The following TRPS1 variants were observed in gnomAD, a reference collection of about 807,000 sequenced individuals.
TRPS1 encodes the protein transcriptional repressor GATA binding 1.
A neutral mutation model predicts 101.2 loss-of-function variants in TRPS1; 6 were observed. The ratio of observed to expected loss-of-function variants is 0.06; its 90% CI spans 0.03 to 0.12. The LOEUF (loss-of-function observed/expected upper bound fraction) is 0.12, where lower values mean the gene tolerates loss of function less well. Among genes scored for constraint, TRPS1 ranks in the 10% least tolerant of loss-of-function variants. TRPS1 has a pLI of 1.00. For missense variants in TRPS1, 1,363 were observed against 1,567.0 expected (o/e 0.87, Z 2.20); for synonymous variants, 578 against 589.8 (o/e 0.98, Z 0.29).
intron 5 of TRPS1, among the ~76,000 whole-genome samples, chr8:115,459,193 C>G (rs186848427): frequency 6.6e-6 from 1 of 152,076 alleles, no homozygotes; most frequent in Non-Finnish European, 1.5e-5. Flanking sequence ...AAAAAATTAG[C>G]TTGGCATGGA....
At chr8:115,613,737 C>G (rs970877616) in intron 3 of TRPS1, among the ~76,000 whole-genome samples, 4 of 152,074 alleles carry the variant, frequency 2.6e-5, no homozygotes, top group Non-Finnish European at 5.9e-5. Context: ...AAAAACTGAG[C>G]TCCACATACA....
chr8:115,488,078 G>C (rs1217546965), intron 5 of TRPS1, among the ~76,000 whole-genome samples: 1 of 152,102 alleles, frequency 6.6e-6, no homozygotes, highest in Non-Finnish European at 1.5e-5. Flanking sequence ...ACCTTCAGCA[G>C]ACACCACCCT....
chr8:115,612,515 G>T (rs528715287), intron 3 of TRPS1, among the ~76,000 whole-genome samples: 1 of 152,188 alleles, frequency 6.6e-6, no homozygotes, highest in African/African-American at 2.4e-5. Context: ...AAGAAAGGAG[G>T]CAAAAAGAAA....
chr8:115,424,805 A>G (rs1351602357), intron 5 of TRPS1, among the ~76,000 whole-genome samples: 3 of 152,242 alleles, frequency 2.0e-5, no homozygotes, highest in Non-Finnish European at 2.9e-5. Flanking sequence ...TTAATTACCA[A>G]TAGAGTTGAC....
At chr8:115,664,927 A>G (rs1411118379) in intron 1 of TRPS1, among the ~76,000 whole-genome samples, 2 of 152,176 alleles carry the variant, frequency 1.3e-5, no homozygotes, top group Non-Finnish European at 2.9e-5. Context: ...CTTAATAAGA[A>G]TATGTTTTAA....
intron 5 of TRPS1, among the ~76,000 whole-genome samples, chr8:115,573,719 A>T (rs550547325): frequency 2.6e-5 from 4 of 152,288 alleles, no homozygotes; most frequent in African/African-American, 9.6e-5. Flanking sequence ...TTTTTCAAAT[A>T]AACATTTTAG....
intron 5 of TRPS1, among the ~76,000 whole-genome samples, chr8:115,513,311 G>A (rs1204875403): frequency 6.6e-6 from 1 of 151,558 alleles, no homozygotes; most frequent in East Asian, 1.9e-4. Context: ...ATATTCCCAA[G>A]GACTTATATT....
chr8:115,544,033 A>C (rs1816515023), intron 5 of TRPS1, among the ~76,000 whole-genome samples: 1 of 152,030 alleles, frequency 6.6e-6, no homozygotes, highest in Non-Finnish European at 1.5e-5. Context: ...ATGTATTTAG[A>C]CATAAAATAA....
intron 1 of TRPS1, among the ~76,000 whole-genome samples, chr8:115,639,113 G>C (rs1818836897): frequency 6.6e-6 from 1 of 152,140 alleles, no homozygotes; most frequent in Non-Finnish European, 1.5e-5. Context: ...GTCCCAGCTA[G>C]AGTGCAGTGG....
chr8:115,511,995 A>G (rs1171353228), intron 5 of TRPS1, among the ~76,000 whole-genome samples: 1 of 151,810 alleles, frequency 6.6e-6, no homozygotes, highest in African/African-American at 2.4e-5. Flanking sequence ...TTTAGAAACT[A>G]TCGCATCAAC....
At chr8:115,480,974 G>A (rs1814738072) in intron 5 of TRPS1, among the ~76,000 whole-genome samples, 1 of 151,978 alleles carries the variant, frequency 6.6e-6, no homozygotes, top group Non-Finnish European at 1.5e-5. Flanking sequence ...TATACTTTAG[G>A]AGAAAATATT....
chr8:115,627,185 A>G (rs1818527867), intron 1 of TRPS1, among the ~76,000 whole-genome samples: 1 of 151,704 alleles, frequency 6.6e-6, no homozygotes, highest in Non-Finnish European at 1.5e-5. Flanking sequence ...GGAATTGATT[A>G]TTTTTCCTTT....
chr8:115,445,507 T>A (rs1475262763), intron 5 of TRPS1, among the ~76,000 whole-genome samples: 2 of 152,154 alleles, frequency 1.3e-5, no homozygotes, highest in African/African-American at 2.4e-5. Context: ...TATACCCCAA[T>A]TCCTCTTTCA....
intron 5 of TRPS1, among the ~76,000 whole-genome samples, chr8:115,581,258 G>GT (rs1303644959): frequency 6.6e-6 from 1 of 152,038 alleles, no homozygotes; most frequent in Non-Finnish European, 1.5e-5. Flanking sequence ...GATAGGAAGG[G>GT]TAGGGGGAAA....
intron 3 of TRPS1, among the ~76,000 whole-genome samples, chr8:115,609,625 T>C (rs903374858): frequency 1.4e-4 from 21 of 152,202 alleles, no homozygotes; most frequent in African/African-American, 5.1e-4. Context: ...AACTACAAAA[T>C]GCATCTTTTG....
intron 4 of TRPS1, among the ~76,000 whole-genome samples, chr8:115,595,099 GT>G (rs1214875853): frequency 1.3e-5 from 2 of 151,578 alleles, no homozygotes; most frequent in African/African-American, 2.4e-5. Flanking sequence ...ACTTTCAGAG[GT>G]TTTTTTTGGT....
intron 5 of TRPS1, among the ~76,000 whole-genome samples, chr8:115,506,890 A>T (rs1431510354): frequency 1.3e-5 from 2 of 152,140 alleles, no homozygotes; most frequent in Admixed American, 1.3e-4. Flanking sequence ...TCTGAGTTCA[A>T]TCTGTGCTCT....
chr8:115,615,284 C>T (rs564208620), intron 3 of TRPS1, among the ~76,000 whole-genome samples: 6 of 152,208 alleles, frequency 3.9e-5, no homozygotes, highest in Non-Finnish European at 7.4e-5. Context: ...AAACACTTTC[C>T]CGTGGGAAGC....
intron 5 of TRPS1, among the ~76,000 whole-genome samples, chr8:115,499,639 A>C (rs1480160561): frequency 6.6e-6 from 1 of 152,188 alleles, no homozygotes; most frequent in African/African-American, 2.4e-5. Context: ...CTAGGGATTG[A>C]CTCCTGAAAC....
Sources: allele counts gnomAD v4.1 joint callset (sites outside exome capture counted in the v4.1 genomes callset), GRCh38; gene constraint gnomAD v4.1.1; transcripts MANE v1.5; gene names NCBI Gene and HGNC (gene_info 2026-07-23, HGNC 2026-07-21).